SORCS1: variants seen among roughly 807,000 people sequenced by gnomAD.
SORCS1 encodes the protein sortilin related VPS10 domain containing receptor 1.
In SORCS1, 60 loss-of-function variants were observed where a neutral mutation model predicts 146.1. The observed-to-expected ratio is 0.41, with a 90% CI of 0.33 to 0.51. The LOEUF (loss-of-function observed/expected upper bound fraction) is 0.51, where lower values mean the gene tolerates loss of function less well. SORCS1 is among the 20% of genes least tolerant of loss of function. SORCS1 has a pLI of 0.21. For missense variants in SORCS1, 1,352 were observed against 1,487.6 expected, an observed-to-expected ratio of 0.91 and a Z score of 1.50; for synonymous variants, 637 against 584.0, an observed-to-expected ratio of 1.09 and a Z score of -1.31.
intron 2 of SORCS1, among the ~76,000 whole-genome samples, chr10:106,874,591 CTG>C (rs1394687288): frequency 1.3e-5 from 2 of 152,184 alleles, no homozygotes; most frequent in Admixed American, 6.5e-5. Flanking sequence ...GAAAACAAAA[CTG>C]TGTTGCAGTA....
intron 24 of SORCS1, among the ~76,000 whole-genome samples, chr10:106,592,905 AG>A (rs1335340819): frequency 6.6e-6 from 1 of 151,990 alleles, no homozygotes; most frequent in Non-Finnish European, 1.5e-5. Flanking sequence ...TGGGAGGCTG[AG>A]GCAGACAGAT....
intron 5 of SORCS1, among the ~76,000 whole-genome samples, chr10:106,753,473 C>A (rs111817132): frequency 1.3e-5 from 2 of 151,950 alleles, no homozygotes; most frequent in Non-Finnish European, 2.9e-5. Context: ...GAAGTTGGCT[C>A]GGCAGCAATA....
In SORCS1 at chr10:106,573,830, T is replaced by C. The variant is rs1397110875; in HGVS notation, c.*3590A>G. The C allele has an allele frequency of 6.6e-6, 1 of 152,176 alleles. No individual in the cohort carries two copies. Among genetic ancestry groups the C allele is most frequent in the Non-Finnish European group, 1.5e-5 (1 of 68,002 alleles). The allele number at this position is 152,176 out of a possible 1,614,324, so 9.4% of individuals were successfully genotyped here. A position where few individuals can be genotyped will look rare whatever the true frequency, so the allele number is the denominator to read the frequency against. On this transcript the variant is annotated 3_prime_UTR_variant, in exon 26 of 26. Transcript: ENST00000263054. The stretch of plus-strand genomic sequence containing the variant: ...TGCAATTAGCCTTTATGAAATCCTA[T>C]ACATGCAACACTTCTATATTTAGAA...
chr10:106,924,760 A>T (rs1952921185), intron 2 of SORCS1, among the ~76,000 whole-genome samples: 1 of 64,564 alleles, frequency 1.5e-5, no homozygotes. Flanking sequence ...ATTTAACTGC[A>T]TGGATTTTTT....
At chr10:106,962,036 G>A (rs985297004) in intron 1 of SORCS1, among the ~76,000 whole-genome samples, 4 of 152,112 alleles carry the variant, frequency 2.6e-5, no homozygotes, top group Admixed American at 2.0e-4. Context: ...CAGGAGGTTG[G>A]GGGGGTGTCA....
chr10:106,679,707 TC>T lies in SORCS1; in HGVS notation c.1587del (p.Lys530ArgfsTer22). 1 of 1,611,974 alleles carries T rather than the reference TC, an allele frequency of 6.2e-7. No homozygotes were observed. The highest frequency in any genetic ancestry group is 8.5e-7 in the Non-Finnish European group (1 of 1,178,924). On this transcript the variant is annotated frameshift_variant, in exon 11 of 26. Coordinates refer to ENST00000263054, the MANE Select transcript of SORCS1 (RefSeq NM_052918.5). LOFTEE classifies it high-confidence loss of function. ...LLPYCSLHLH[L>X]KVSENPYTSG... Reference sequence around the variant, plus strand: ...GATGTGTAGGGATTCTCAGAGACCTTCAGGTGAAGGTGTAGTGAGCAATAGG... The same window carrying T: ...GATGTGTAGGGATTCTCAGAGACCTTAGGTGAAGGTGTAGTGAGCAATAGG...
At chr10:107,056,775 A>G (rs1180031737) in intron 1 of SORCS1, among the ~76,000 whole-genome samples, 2 of 152,244 alleles carry the variant, frequency 1.3e-5, no homozygotes, top group Non-Finnish European at 2.9e-5. Flanking sequence ...AGACAGACAG[A>G]GAAAGTCAGA....
At chr10:106,867,278 T>TA (rs1179082363) in intron 2 of SORCS1, among the ~76,000 whole-genome samples, 1 of 151,370 alleles carries the variant, frequency 6.6e-6, no homozygotes, top group Non-Finnish European at 1.5e-5. Context: ...GATTGGAAGC[T>TA]TATATTAAAT....
intron 1 of SORCS1, among the ~76,000 whole-genome samples, chr10:106,967,184 A>T (rs966784885): frequency 1.3e-5 from 2 of 151,670 alleles, no homozygotes; most frequent in Non-Finnish European, 2.9e-5. Context: ...GTCTGAGGAC[A>T]CTTGTCTTGT....
intron 3 of SORCS1, among the ~76,000 whole-genome samples, chr10:106,818,453 C>T (rs1443702243): frequency 6.6e-6 from 1 of 151,594 alleles, no homozygotes; most frequent in African/African-American, 2.4e-5. Context: ...GCAAACTCCA[C>T]CTCCCAGGTT....
chr10:106,843,429 C>CCTT (rs1554858142), intron 2 of SORCS1, among the ~76,000 whole-genome samples: 1 of 116,804 alleles, frequency 8.6e-6, no homozygotes, highest in Non-Finnish European at 1.6e-5. Flanking sequence ...GCAGGATTTC[C>CCTT]TTTTTTTTTT....
chr10:106,929,198 T>C (rs1256366777), intron 2 of SORCS1, among the ~76,000 whole-genome samples: 1 of 151,910 alleles, frequency 6.6e-6, no homozygotes, highest in Admixed American at 6.6e-5. Flanking sequence ...ATTATACTTT[T>C]AGATCAGAAG....
chr10:106,838,877 A>C (rs990961150), intron 2 of SORCS1, among the ~76,000 whole-genome samples: 1 of 152,074 alleles, frequency 6.6e-6, no homozygotes, highest in Non-Finnish European at 1.5e-5. Flanking sequence ...TGTTATGGAG[A>C]TCCGTGATCA....
At chr10:106,729,922 A>G in intron 6 of SORCS1, 128 bp downstream of exon 6, 1 of 1,160,482 alleles carries the variant, frequency 8.6e-7, no homozygotes, top group Non-Finnish European at 1.2e-6. Context: ...CTGCAACCCC[A>G]AATCCTCAGA....
chr10:106,580,027 C>A lies in SORCS1; in HGVS notation c.3266-553G>T, dbSNP rs1844809595. 3.3e-5 allele frequency among the ~76,000 whole-genome samples: 5 copies of A among 151,972 alleles called. No homozygotes were observed. In the South Asian group the frequency reaches 1.0e-3, roughly 32 times the overall value. On this transcript the variant is annotated intron_variant, in intron 24 of 25. Coordinates refer to ENST00000263054, the MANE Select transcript of SORCS1 (RefSeq NM_052918.5). ...GCAAAACAGATTGCCAATAAAACCA[C>A]CTGCAGGAATACATTTGTGAATTCA...
chr10:106,746,154 A>G (rs1299014304), intron 5 of SORCS1, among the ~76,000 whole-genome samples: 1 of 152,226 alleles, frequency 6.6e-6, no homozygotes, highest in African/African-American at 2.4e-5. Flanking sequence ...GTCAGGAAAA[A>G]AAAAAGCGGG....
At chr10:107,117,716 CTTCT>C (rs1170978025) in intron 1 of SORCS1, among the ~76,000 whole-genome samples, 1 of 152,162 alleles carries the variant, frequency 6.6e-6, no homozygotes, top group Non-Finnish European at 1.5e-5. Flanking sequence ...TACTCCCTTT[CTTCT>C]TTCTTATTTC....
intron 1 of SORCS1, among the ~76,000 whole-genome samples, chr10:106,959,156 A>C (rs1025550999): frequency 4.6e-5 from 7 of 152,274 alleles, no homozygotes; most frequent in Admixed American, 4.6e-4. Context: ...AAGCAATCCC[A>C]GGGCAGGCGG....
intron 2 of SORCS1, among the ~76,000 whole-genome samples, chr10:106,941,396 G>A (rs1027725878): frequency 1.3e-5 from 2 of 150,588 alleles, no homozygotes; most frequent in African/African-American, 4.9e-5. Flanking sequence ...GGAGCACAGA[G>A]ACTTAAAAAA....
Sources: allele counts gnomAD v4.1 joint callset (sites outside exome capture counted in the v4.1 genomes callset), GRCh38; gene constraint gnomAD v4.1.1; transcripts MANE v1.5; gene names NCBI Gene and HGNC (gene_info 2026-07-23, HGNC 2026-07-21).